The following MYH11 variants were observed in gnomAD, a reference collection of about 807,000 sequenced individuals.
The protein encoded by MYH11 is myosin-11.
In MYH11, 80 loss-of-function variants were observed where a neutral mutation model predicts 246.6. That is an observed-to-expected ratio of 0.32 (90% CI 0.27 to 0.39). MYH11 has a LOEUF of 0.39. Ranked by LOEUF, MYH11 falls within the 10% of genes least tolerant of loss-of-function variation. The pLI is 1.00. For synonymous variants in MYH11, 1,071 were observed against 1,015.5 expected (o/e 1.05, Z -1.04); for missense variants, 2,158 against 2,546.8 (o/e 0.85, Z 3.29).
At chr16:15,726,797 A>C in intron 28 of MYH11, 51 bp downstream of exon 28, 1 of 1,602,430 alleles carries the variant, frequency 6.2e-7, no homozygotes, top group Non-Finnish European at 8.5e-7. Flanking sequence ...CTCCCCACAG[A>C]ACTGGGCACC....
At chr16:15,743,111 C>T (rs2041321253) in intron 20 of MYH11, among the ~76,000 whole-genome samples, 1 of 151,318 alleles carries the variant, frequency 6.6e-6, no homozygotes, top group South Asian at 2.1e-4. Flanking sequence ...TCAGCTAGGA[C>T]TGGACACTGA....
intron 4 of MYH11, among the ~76,000 whole-genome samples, chr16:15,796,159 C>T (rs1430555509): frequency 1.3e-5 from 2 of 152,112 alleles, no homozygotes; most frequent in African/African-American, 2.4e-5. Context: ...CAGCATCATA[C>T]CGTCCAAGGC....
chr16:15,759,815 T>G, intron 11 of MYH11, 87 bp from the exon 12 acceptor site: 1 of 1,540,560 alleles, frequency 6.5e-7, no homozygotes, highest in East Asian at 2.4e-5. Context: ...TTTTTATTCT[T>G]GGCCGGGTGC....
intron 14 of MYH11, among the ~76,000 whole-genome samples, chr16:15,753,850 T>C (rs985432464): frequency 1.3e-5 from 2 of 152,060 alleles, no homozygotes; most frequent in Non-Finnish European, 2.9e-5. Flanking sequence ...TGACGGCAGA[T>C]GCCCTCCTGC....
rs746925088 is a variant in MYH11 at position 15,720,794 on chromosome 16, A to G, written c.4791+45T>C. 9 of 1,598,212 alleles carry G rather than the reference A, an allele frequency of 5.6e-6. 1 individual carries two copies. The South Asian group carries it at 7.7e-5, about 14-fold the overall frequency. On this transcript the variant is annotated intron_variant, in intron 33 of 40. Coordinates refer to ENST00000300036, the MANE Select transcript of MYH11 (RefSeq NM_002474.3). ...CATGAGAGTGGTGATAGGAATGAAA[A>G]AGGCCACCCGACCTCCCTCTGCTGG...
chr16:15,754,929 A>T (rs1425730655), intron 14 of MYH11, among the ~76,000 whole-genome samples: 2 of 152,172 alleles, frequency 1.3e-5, no homozygotes, highest in Non-Finnish European at 2.9e-5. Flanking sequence ...CAAGTAATCC[A>T]CCTGCCTTGG....
chr16:15,741,317 C>A (rs1215054142), intron 22 of MYH11, 146 bp downstream of exon 22: 9 of 901,560 alleles, frequency 1.0e-5, no homozygotes, highest in African/African-American at 8.1e-5. Context: ...AGCTGTGTGG[C>A]CTTGATCAGA....
chr16:15,760,788 T>C (rs978653234), intron 10 of MYH11, 130 bp from the exon 11 acceptor site: 5 of 773,326 alleles, frequency 6.5e-6, no homozygotes, highest in Non-Finnish European at 4.7e-6. Context: ...CCGCTGACCA[T>C]GAATATAGCT....
intron 3 of MYH11, among the ~76,000 whole-genome samples, chr16:15,817,847 C>T (rs1459278030): frequency 6.6e-6 from 1 of 152,166 alleles, no homozygotes; most frequent in Non-Finnish European, 1.5e-5. Context: ...ATCCCTGCCC[C>T]CTTCTCTCAC....
At position 15,806,149 on chromosome 16, in the gene MYH11, T is replaced by C. The variant is rs1206429217; in HGVS notation, c.503-7462A>G. Among the ~76,000 whole-genome samples, 3 of 151,378 alleles carry C rather than the reference T, an allele frequency of 2.0e-5. No individual in the cohort carries two copies. The East Asian group carries it at 5.8e-4, about 29-fold the overall frequency. ...AAAATTAGCCAGGTGTGGTGGCACG[T>C]GCCTATAGTCCCAGCTACTCGGGAG... On this transcript the variant is annotated intron_variant, in intron 3 of 40. Coordinates refer to ENST00000300036, the MANE Select transcript of MYH11 (RefSeq NM_002474.3).
chr16:15,854,410 C>G (rs1193069251), intron 1 of MYH11, among the ~76,000 whole-genome samples: 1 of 152,186 alleles, frequency 6.6e-6, no homozygotes, highest in Non-Finnish European at 1.5e-5. Context: ...TTAGAAAGAC[C>G]TAGATTTGTA....
intron 14 of MYH11, among the ~76,000 whole-genome samples, chr16:15,755,981 C>G (rs2041703236): frequency 1.3e-5 from 2 of 152,086 alleles, no homozygotes; most frequent in African/African-American, 4.8e-5. Flanking sequence ...ACCTGTAGTC[C>G]CAGCTACTTG....
intron 22 of MYH11, among the ~76,000 whole-genome samples, chr16:15,740,573 C>T (rs892965425): frequency 2.7e-5 from 4 of 150,510 alleles, no homozygotes; most frequent in Admixed American, 6.7e-5. Flanking sequence ...ATCGCACCAT[C>T]GCACCCCAGC....
At chr16:15,751,803 A>G (rs2041580834) in intron 15 of MYH11, among the ~76,000 whole-genome samples, 1 of 149,844 alleles carries the variant, frequency 6.7e-6, no homozygotes, top group African/African-American at 2.5e-5. Context: ...TTTTATTTTT[A>G]GTTTTATTTT....
At chr16:15,736,783 C>A (rs1322037756) in intron 25 of MYH11, among the ~76,000 whole-genome samples, 1 of 152,180 alleles carries the variant, frequency 6.6e-6, no homozygotes, top group Non-Finnish European at 1.5e-5. Context: ...CAGCTTCCTC[C>A]TCAAAGACAC....
chr16:15,824,034 T>C (rs2043490097), intron 2 of MYH11, among the ~76,000 whole-genome samples: 2 of 152,198 alleles, frequency 1.3e-5, no homozygotes, highest in South Asian at 4.1e-4. Context: ...CCACCGTTCA[T>C]TGAGCACTTA....
At position 15,724,227 on chromosome 16, in the gene MYH11, A is replaced by G. The variant is rs2040630480; in HGVS notation, c.4299T>C (p.Val1433=). 3.7e-6 allele frequency: 6 copies of G among 1,614,038 alleles called. No individual in the cohort carries two copies. The highest frequency in any genetic ancestry group is 5.1e-6 in the Non-Finnish European group (6 of 1,180,042). Residue 1433 remains valine, a synonymous_variant, in exon 31 of 41, where the codon GTT becomes GTC. Coordinates refer to ENST00000300036, the MANE Select transcript of MYH11 (RefSeq NM_002474.3). The part of the protein sequence containing the change: ...NRLQQELDDL[V]VDLDNQRQLV... ...GTTGCCGCTGGTTGTCCAAATCAACAACCAGGTCGTCCAGCTCCTGCTGAA... is the reference window on the plus strand; with the variant it reads ...GTTGCCGCTGGTTGTCCAAATCAACGACCAGGTCGTCCAGCTCCTGCTGAA...
At chr16:15,834,648 A>T (rs1391544002) in intron 2 of MYH11, among the ~76,000 whole-genome samples, 2 of 152,208 alleles carry the variant, frequency 1.3e-5, no homozygotes, top group Non-Finnish European at 2.9e-5. Flanking sequence ...TTAAGAAAGT[A>T]AAGATACATT....
Position 15,777,846 on chromosome 16 carries a change from G to A in MYH11, c.790+934C>T, listed in dbSNP as rs892129349. The stretch of plus-strand genomic sequence containing the variant: ...TAGGTGCAATCACCCCCATTTTACC[G>A]AGGCAAAACTGAGGCCCAGAGAGCT... On this transcript the variant is annotated intron_variant, in intron 7 of 40. Coordinates refer to ENST00000300036, the MANE Select transcript of MYH11 (RefSeq NM_002474.3). Among the ~76,000 whole-genome samples, 10 of 151,974 alleles carry A rather than the reference G, an allele frequency of 6.6e-5. No individual in the cohort carries two copies. In the South Asian group the frequency reaches 1.0e-3, roughly 16 times the overall value.
Sources: gnomAD v4.1 joint callset for allele counts (sites outside exome capture counted in the v4.1 genomes callset) on GRCh38, gnomAD v4.1.1 for gene constraint, MANE v1.5 for transcripts, NCBI Gene and HGNC (gene_info 2026-07-23, HGNC 2026-07-21) for gene names.